Variants in EEF2K observed in about 807,000 individuals in gnomAD.
EEF2K encodes the protein alternative protein EEF2K.
EEF2K carries 70 observed loss-of-function variants against 93.8 expected under a neutral mutation model. The observed-to-expected ratio is 0.75, with a 90% CI of 0.62 to 0.91. The LOEUF is 0.91. Ranked by LOEUF, EEF2K falls within the 40% of genes least tolerant of loss-of-function variation. EEF2K has a pLI of 0.00. For synonymous variants in EEF2K, 376 were observed against 380.8 expected (o/e 0.99, Z 0.15); for missense variants, 935 against 972.9 (o/e 0.96, Z 0.52).
In EEF2K at chr16:22,238,667, GAAAAA is replaced by G. The variant is rs10708756; in HGVS notation, c.247-5948_247-5944del. ...CTGGTCTCAAAAAAAAAGAAAAAAG[GAAAAA>G]AAAAAAAAAAAAAAGCACTGATCAT... On this transcript the variant is annotated intron_variant, in intron 2 of 17. Transcript: ENST00000263026. Among the ~76,000 whole-genome samples, 15 of 93,464 alleles carry G rather than the reference GAAAAA, an allele frequency of 1.6e-4. No homozygotes were observed. The South Asian group carries it at 4.4e-3, about 27-fold the overall frequency. 61.3% of individuals were successfully genotyped at this position (93,464 alleles called of 152,430 possible).
At chr16:22,223,250 T>C (rs1332550820) in intron 1 of EEF2K, among the ~76,000 whole-genome samples, 1 of 151,202 alleles carries the variant, frequency 6.6e-6, no homozygotes, top group Non-Finnish European at 1.5e-5. Flanking sequence ...TTTTGAGATG[T>C]TGTTTTTTTC....
At chr16:22,217,160 CA>C (rs59262131) in intron 1 of EEF2K, among the ~76,000 whole-genome samples, 9,030 of 75,994 alleles carry the variant, frequency 0.12, 132 homozygotes, top group East Asian at 0.19. Context: ...GACCCTGTCT[CA>C]AAAAAAAAAA....
chr16:22,220,187 A>C (rs2046997311), intron 1 of EEF2K, among the ~76,000 whole-genome samples: 1 of 152,242 alleles, frequency 6.6e-6, no homozygotes, highest in South Asian at 2.1e-4. Flanking sequence ...TGACAACTCA[A>C]AAGCCATAAA....
intron 1 of EEF2K, among the ~76,000 whole-genome samples, chr16:22,216,403 A>G (rs1283480954): frequency 6.6e-6 from 1 of 152,098 alleles, no homozygotes; most frequent in Non-Finnish European, 1.5e-5. Context: ...TGTCTTTCTT[A>G]TTTCCATAGA....
At chr16:22,257,977 G>A (rs2047423905) in intron 9 of EEF2K, among the ~76,000 whole-genome samples, 1 of 152,198 alleles carries the variant, frequency 6.6e-6, no homozygotes, top group Non-Finnish European at 1.5e-5. Flanking sequence ...CAATCGAGCA[G>A]CTGGTATCTG....
Position 22,251,154 on chromosome 16 carries a change from G to A in EEF2K, c.450G>A (p.Lys150=). ...CCCCTGTTGCCTCTTCCCACAGGAA[G>A]AAGCTCTCCAACTTCTTGCATGCCC... ...RGAMRECFRT[K]KLSNFLHAQQ... Residue 150 remains lysine, a synonymous_variant, in exon 6 of 18, where the codon AAG becomes AAA. Transcript: ENST00000263026. 1 of 1,613,612 alleles carries A rather than the reference G, an allele frequency of 6.2e-7. No individual in the cohort carries two copies. The highest frequency in any genetic ancestry group is 8.5e-7 in the Non-Finnish European group (1 of 1,179,712).
At chr16:22,279,263 G>T (rs578171201) in intron 16 of EEF2K, among the ~76,000 whole-genome samples, 66 of 147,424 alleles carry the variant, frequency 4.5e-4, no homozygotes, top group Non-Finnish European at 8.0e-4. Context: ...TTTAACACAG[G>T]GTTATACTCT....
chr16:22,235,369 C>T (rs938330439), intron 2 of EEF2K, among the ~76,000 whole-genome samples: 2 of 151,946 alleles, frequency 1.3e-5, no homozygotes, highest in Admixed American at 6.6e-5. Context: ...TTTCGGCAAG[C>T]AAGAAATCAT....
intron 15 of EEF2K, among the ~76,000 whole-genome samples, chr16:22,272,230 A>C (rs1177066302): frequency 6.6e-6 from 1 of 152,224 alleles, no homozygotes; most frequent in African/African-American, 2.4e-5. Context: ...CTTGTACACA[A>C]ATCTTCATAG....
At chr16:22,268,073 T>G (rs1402750833) in intron 15 of EEF2K, among the ~76,000 whole-genome samples, 1 of 152,180 alleles carries the variant, frequency 6.6e-6, no homozygotes, top group Non-Finnish European at 1.5e-5. Flanking sequence ...AGTGGGTGAA[T>G]GGATCTCAGA....
intron 1 of EEF2K, among the ~76,000 whole-genome samples, chr16:22,212,563 G>A (rs955060702): frequency 1.8e-4 from 27 of 151,994 alleles, no homozygotes; most frequent in Admixed American, 1.2e-3. Flanking sequence ...CTCGTGATCC[G>A]CCTGCCTCGG....
intron 2 of EEF2K, among the ~76,000 whole-genome samples, chr16:22,239,169 A>G (rs915921600): frequency 3.9e-5 from 6 of 151,972 alleles, no homozygotes. Flanking sequence ...GGTTTGGAAA[A>G]AAGGTAATTT....
intron 2 of EEF2K, among the ~76,000 whole-genome samples, chr16:22,226,800 G>C (rs1199370774): frequency 6.6e-6 from 1 of 152,128 alleles, no homozygotes. Context: ...TTTAGGTCAG[G>C]CGTGGTGTCT....
chr16:22,265,235 T>A (rs1432871470), intron 13 of EEF2K: 2 of 194,814 alleles, frequency 1.0e-5, no homozygotes, highest in African/African-American at 4.6e-5. Context: ...ATCCCCATTT[T>A]ATGTATGAGA....
At chr16:22,263,881 T>C (rs969847728) in intron 12 of EEF2K, among the ~76,000 whole-genome samples, 2 of 152,182 alleles carry the variant, frequency 1.3e-5, no homozygotes, top group African/African-American at 4.8e-5. Flanking sequence ...AGCATCCTGG[T>C]GAGGGCAACC....
chr16:22,221,450 G>T (rs1157630745), intron 1 of EEF2K, among the ~76,000 whole-genome samples: 1 of 151,998 alleles, frequency 6.6e-6, no homozygotes, highest in Non-Finnish European at 1.5e-5. Flanking sequence ...CTCCAGCCAG[G>T]GCAACCTGTC....
chr16:22,283,308 C>CAAAAAAAAAAAA (rs10540234), intron 17 of EEF2K, among the ~76,000 whole-genome samples: 1 of 75,860 alleles, frequency 1.3e-5, no homozygotes. Flanking sequence ...GACTCCATCT[C>CAAAAAAAAAAAA]AAAAAAAAAA....
At chr16:22,281,234 CTTTTCTTTCTTTCT>C (rs1316310311) in intron 17 of EEF2K, among the ~76,000 whole-genome samples, 2 of 152,050 alleles carry the variant, frequency 1.3e-5, no homozygotes, top group African/African-American at 2.4e-5. Flanking sequence ...GCCTCCTTTC[CTTTTCTTTCTTTCT>C]TTTTTCTTTG....
At chr16:22,266,963 C>G in intron 15 of EEF2K, 87 bp downstream of exon 15, 1 of 1,458,906 alleles carries the variant, frequency 6.9e-7, no homozygotes, top group Non-Finnish European at 9.2e-7. Flanking sequence ...GGAAGTCATG[C>G]ATTCACCTGC....
Sources: gnomAD v4.1 joint callset for allele counts (sites outside exome capture counted in the v4.1 genomes callset) on GRCh38, gnomAD v4.1.1 for gene constraint, MANE v1.5 for transcripts, NCBI Gene and HGNC (gene_info 2026-07-23, HGNC 2026-07-21) for gene names.